Variants in PCDHGA3 observed in about 807,000 individuals in gnomAD.
PCDHGA3 encodes protocadherin gamma subfamily A, 3.
PCDHGA3 carries 40 observed loss-of-function variants against 58.5 expected under a neutral mutation model. The ratio of observed to expected loss-of-function variants is 0.68; its 90% CI spans 0.53 to 0.89. PCDHGA3 has a LOEUF of 0.89. PCDHGA3 is among the 40% of genes least tolerant of loss of function. The pLI, the probability that PCDHGA3 is intolerant of heterozygous loss-of-function variation, is 0.00. For synonymous variants in PCDHGA3, 530 were observed against 525.7 expected, an observed-to-expected ratio of 1.01 and a Z score of -0.11; for missense variants, 1,223 against 1,195.9, an observed-to-expected ratio of 1.02 and a Z score of -0.33.
At chr5:141,510,155 C>G (rs1044168112) in intron 3 of PCDHGA3, among the ~76,000 whole-genome samples, 2 of 151,942 alleles carry the variant, frequency 1.3e-5, no homozygotes, top group African/African-American at 4.8e-5. Context: ...CACCTGTAAT[C>G]TCAGCTACTC....
At chr5:141,463,418 C>A (rs1442067485) in intron 1 of PCDHGA3, among the ~76,000 whole-genome samples, 3 of 138,240 alleles carry the variant, frequency 2.2e-5, no homozygotes, top group Admixed American at 7.4e-5. Context: ...TCCTAGTTTG[C>A]GGATCCTCAT....
chr5:141,476,922 C>T lies in PCDHGA3; in HGVS notation c.2425-17885C>T. 4 of 1,614,120 alleles carry T rather than the reference C, an allele frequency of 2.5e-6. No individual in the cohort carries two copies. Among genetic ancestry groups the T allele is most frequent in the Non-Finnish European group, 2.5e-6 (3 of 1,180,050 alleles). On this transcript the variant is annotated intron_variant, in intron 1 of 3. Transcript: ENST00000253812. The surrounding 1 kb of genome is among the most constrained non-coding windows in gnomAD (Gnocchi z 7.6). ...ACGCGCGTGGTACAAGTCCTTGCAA[C>T]GGATCTGGATGAAGGCCCCAACGGT...
rs1382364867 is a variant in PCDHGA3, at chr5:141,374,132, C to A, written c.2424+27675C>A. 2.5e-6 allele frequency: 4 copies of A among 1,605,166 alleles called. No homozygotes were observed. The highest frequency in any genetic ancestry group is 3.4e-6 in the Non-Finnish European group (4 of 1,174,350). On this transcript the variant is annotated intron_variant, in intron 1 of 3. Transcript: ENST00000253812. ...GCAGCGCAGCGAGCAGGTCCTGCTC[C>A]TCACGCTCCTGGGGACGCTGTGGGG...
Position 141,486,320 on chromosome 5 carries a change from G to A in PCDHGA3, c.2425-8487G>A, listed in dbSNP as rs764851576. The stretch of plus-strand genomic sequence containing the variant: ...GCAGGATCCAGACTCAGGGTCAAAC[G>A]GAGATGTGAGCCTCCGCATTCCTGA... On this transcript the variant is annotated intron_variant, in intron 1 of 3. Coordinates refer to ENST00000253812, the MANE Select transcript of PCDHGA3 (RefSeq NM_018916.4). This position sits in a 1 kb window ranked among gnomAD's most constrained non-coding sequence, Gnocchi z 5.0. The A allele has an allele frequency of 6.2e-7, 1 of 1,614,010 alleles. No individual in the cohort carries two copies. Among genetic ancestry groups the A allele is most frequent in the South Asian group, 1.1e-5 (1 of 91,060 alleles).
intron 1 of PCDHGA3, chr5:141,394,201 A>G (rs764975219): frequency 2.5e-6 from 4 of 1,613,874 alleles, no homozygotes; most frequent in Admixed American, 1.7e-5. Context: ...TATATCCTAG[A>G]GAACAACCTG....
intron 1 of PCDHGA3, chr5:141,484,976 G>T: frequency 1.7e-6 from 1 of 592,920 alleles, no homozygotes; most frequent in South Asian, 2.1e-5. Flanking sequence ...GCCGCTGTCT[G>T]CCAATCGGGT....
intron 2 of PCDHGA3, among the ~76,000 whole-genome samples, chr5:141,495,702 T>G (rs1462896403): frequency 6.6e-6 from 1 of 152,212 alleles, no homozygotes; most frequent in African/African-American, 2.4e-5. Context: ...TCAATAAATG[T>G]GGAGTGAGTA....
intron 1 of PCDHGA3, chr5:141,393,113 G>A: frequency 1.2e-6 from 2 of 1,613,500 alleles, no homozygotes; most frequent in Non-Finnish European, 8.5e-7. Context: ...CTCAGAGCCC[G>A]CGGTGTCTGA....
intron 1 of PCDHGA3, among the ~76,000 whole-genome samples, chr5:141,443,505 A>G (rs553893860): frequency 4.4e-4 from 67 of 152,222 alleles, no homozygotes; most frequent in African/African-American, 1.4e-3. Context: ...AAACAAATAA[A>G]GAGCTTCTCT....
In PCDHGA3 at chr5:141,408,826, T is replaced by C. The variant is rs138252575; in HGVS notation, c.2424+62369T>C. ...TAGACCGGGAAGAACAGAGATCTCA[T>C]AGCTTGATATTGACTGCCTTGGACG... On this transcript the variant is annotated intron_variant, in intron 1 of 3. Coordinates refer to ENST00000253812, the MANE Select transcript of PCDHGA3 (RefSeq NM_018916.4). The C allele has an allele frequency of 6.1e-5, 98 of 1,613,582 alleles. No homozygotes were observed. The African/African-American group carries it at 9.9e-4, about 16-fold the overall frequency.
chr5:141,392,968 T>C (rs748824740), intron 1 of PCDHGA3: 1 of 1,613,910 alleles, frequency 6.2e-7, no homozygotes, highest in Non-Finnish European at 8.5e-7. Context: ...TCCAAGGACC[T>C]GGGGCTGGAC....
At chr5:141,383,357 CG>C (rs1779064068) in intron 1 of PCDHGA3, 2 of 1,613,956 alleles carry the variant, frequency 1.2e-6, no homozygotes, top group Non-Finnish European at 1.7e-6. Flanking sequence ...GTTCGGTTTC[CG>C]TTAAGCGAGG....
At chr5:141,377,750 G>A (rs532331824) in intron 1 of PCDHGA3, 1 of 152,230 alleles carries the variant, frequency 6.6e-6, no homozygotes, top group South Asian at 2.1e-4. Context: ...ACTGCAGCAG[G>A]GGACACCAGA....
rs1588634140 is a variant in PCDHGA3 at position 141,366,905 on chromosome 5, C to T, written c.2424+20448C>T. 3 of 1,162,942 alleles carry T rather than the reference C, an allele frequency of 2.6e-6. No individual in the cohort carries two copies. In the East Asian group the frequency reaches 7.6e-5, roughly 29 times the overall value. The allele number at this position is 1,162,942 out of a possible 1,614,324, so 72.0% of individuals were successfully genotyped here. ...TTTTTTTATATAATTCATGCTTTCT[C>T]CATTTGTTTTCAAATTCTGTTTTGG... On this transcript the variant is annotated intron_variant, in intron 1 of 3. Transcript: ENST00000253812.
Position 141,345,741 on chromosome 5 carries a change from G to C in PCDHGA3, c.1708G>C (p.Asp570His). 1 of 1,614,216 alleles carries C rather than the reference G, an allele frequency of 6.2e-7. No homozygotes were observed. The highest frequency in any genetic ancestry group is 1.3e-5 in the African/African-American group (1 of 75,072). Residue 570 changes from aspartate (D) to histidine (H), a missense_variant, in exon 1 of 4, where the codon GAC (aspartate) becomes CAC (histidine). This residue lies in a region of PCDHGA3 where 791 missense variants were observed against 708.5 expected (regional missense o/e 1.12). Coordinates refer to ENST00000253812, the MANE Select transcript of PCDHGA3 (RefSeq NM_018916.4). ...GATCCTGTACCCCGCCCTCCCCACA[G>C]ACGGTTCCACTGGCGTGGAGCTGGC... ...PEILYPALPT[D>H]GSTGVELAPR... is the part of the protein sequence containing the mutation.
chr5:141,365,919 TGTG>T (rs1195562378), intron 1 of PCDHGA3: 1 of 1,614,178 alleles, frequency 6.2e-7, no homozygotes, highest in East Asian at 2.2e-5. Flanking sequence ...GACCTACAGT[TGTG>T]GGTGACAGCC....
chr5:141,346,368 C>A lies in PCDHGA3; in HGVS notation c.2335C>A (p.Leu779Ile), dbSNP rs1318566954. Residue 779 changes from leucine to isoleucine, a missense_variant, in exon 1 of 4, where the codon CTC becomes ATC. By Grantham distance (5) the Leu-to-Ile change is conservative. This residue lies in a region of PCDHGA3 where 325 missense variants were observed against 327.5 expected (regional missense o/e 0.99). Transcript: ENST00000253812. ...CCCCCAGCCCAACTATGCGGACACG[C>A]TCATCAGCCAGGAGAGCTGTGAGAA... ...IFPQPNYADT[L>I]ISQESCEKSE... 1.9e-6 allele frequency: 3 copies of A among 1,614,136 alleles called. No homozygotes were observed. Among genetic ancestry groups the A allele is most frequent in the Non-Finnish European group, 2.5e-6 (3 of 1,180,056 alleles).
chr5:141,366,374 A>T, intron 1 of PCDHGA3: 3 of 1,614,052 alleles, frequency 1.9e-6, no homozygotes, highest in South Asian at 2.2e-5. Context: ...CAAGACCCCC[A>T]TTGACCCTGA....
chr5:141,374,723 G>T (rs771753373), intron 1 of PCDHGA3: 1 of 1,609,998 alleles, frequency 6.2e-7, no homozygotes, highest in South Asian at 1.1e-5. Context: ...GGTCCTTACT[G>T]CCATGGATGG....
Sources: allele counts gnomAD v4.1 joint callset (sites outside exome capture counted in the v4.1 genomes callset), GRCh38; gene constraint gnomAD v4.1.1; regional missense constraint gnomAD v4.1.1; non-coding constraint Gnocchi (gnomAD v3.1); transcripts MANE v1.5; gene names NCBI Gene and HGNC (gene_info 2026-07-23, HGNC 2026-07-21).